Variants in MYOM1 observed in about 807,000 individuals in gnomAD.
The protein encoded by MYOM1 is myomesin 1.
A neutral mutation model predicts 205.3 loss-of-function variants in MYOM1; 164 were observed. The observed-to-expected ratio is 0.80, with a 90% confidence interval of 0.70 to 0.91. The LOEUF (loss-of-function observed/expected upper bound fraction) is 0.91. Among genes scored for constraint, MYOM1 ranks in the 40% least tolerant of loss-of-function variants. The probability of loss-of-function intolerance (pLI) is 0.00; values close to 1 mark genes in which losing one functional copy is unlikely to be tolerated. For synonymous variants in MYOM1, 772 were observed against 789.4 expected (o/e 0.98, Z 0.37); for missense variants, 2,011 against 2,127.3 (o/e 0.95, Z 1.08).
At chr18:3,230,145 G>A in the MYOM1 span, among the ~76,000 whole-genome samples, 1 of 152,110 alleles carries the variant, frequency 6.6e-6, no homozygotes, top group Non-Finnish European at 1.5e-5. Context: ...ATCTGTTAAT[G>A]TGATAATAAA....
At chr18:3,221,288 G>A (rs2081327298), upstream of MYOM1, among the ~76,000 whole-genome samples, 1 of 152,130 alleles carries the variant, frequency 6.6e-6, no homozygotes, top group African/African-American at 2.4e-5. Flanking sequence ...ACAAAGTGCT[G>A]GAATTACAGG....
In MYOM1 at chr18:3,179,599, C is replaced by T. The variant is rs1211847901; in HGVS notation, c.930-3465G>A. On this transcript the variant is annotated intron_variant, in intron 5 of 37. Coordinates refer to ENST00000356443, the MANE Select transcript of MYOM1 (RefSeq NM_003803.4). The surrounding 1 kb of genome is among the most constrained non-coding windows in gnomAD (Gnocchi z 4.4). ...CATAACCTTCTCCAAACACAGAAGA[C>T]CCTGCAAGTTGATGCAGTGCTATTT... Among the ~76,000 whole-genome samples, 1 of 152,154 alleles carries T rather than the reference C, an allele frequency of 6.6e-6. No individual in the cohort carries two copies. Among genetic ancestry groups the T allele is most frequent in the Non-Finnish European group, 1.5e-5 (1 of 68,040 alleles).
the MYOM1 span, among the ~76,000 whole-genome samples, chr18:3,239,525 C>G: frequency 6.6e-6 from 1 of 152,030 alleles, no homozygotes; most frequent in African/African-American, 2.4e-5. Context: ...GAGGCCAACG[C>G]AGGCAGAGAG....
chr18:3,124,431 G>A (rs1451998598), intron 19 of MYOM1, among the ~76,000 whole-genome samples: 1 of 150,082 alleles, frequency 6.7e-6, no homozygotes, highest in Admixed American at 6.6e-5. Flanking sequence ...GCCTCCTGAG[G>A]AGCTGGGACT....
chr18:3,162,587 CTCT>C (rs1352502609), intron 10 of MYOM1, among the ~76,000 whole-genome samples: 3 of 152,186 alleles, frequency 2.0e-5, no homozygotes, highest in South Asian at 2.1e-4. Flanking sequence ...TCTACTAGAT[CTCT>C]TCTTATGACT....
intron 22 of MYOM1, among the ~76,000 whole-genome samples, chr18:3,108,579 T>C (rs924783916): frequency 6.6e-6 from 1 of 151,792 alleles, no homozygotes; most frequent in Non-Finnish European, 1.5e-5. Flanking sequence ...AGTCTTGCTC[T>C]GTCACCCAGG....
chr18:3,079,688 C>T (rs2143662608), intron 33 of MYOM1, among the ~76,000 whole-genome samples: 1 of 152,090 alleles, frequency 6.6e-6, no homozygotes, highest in South Asian at 2.1e-4. Context: ...GCTAAAAGGC[C>T]AAACTACATA....
chr18:3,210,848 G>A (rs1006210000), intron 2 of MYOM1, among the ~76,000 whole-genome samples: 1 of 152,124 alleles, frequency 6.6e-6, no homozygotes, highest in African/African-American at 2.4e-5. Flanking sequence ...CTAGTGTAAT[G>A]AAGAAAAGTC....
chr18:3,208,476 T>A (rs931834081), intron 2 of MYOM1, among the ~76,000 whole-genome samples: 1 of 152,108 alleles, frequency 6.6e-6, no homozygotes, highest in Non-Finnish European at 1.5e-5. Context: ...TGAGCTGAGA[T>A]CGCACCACTG....
chr18:3,167,129 G>A (rs62076875), intron 9 of MYOM1, among the ~76,000 whole-genome samples: 20,352 of 152,164 alleles, frequency 0.13, 1,536 homozygotes, highest in Middle Eastern at 0.21. Flanking sequence ...AGTTTTCTCA[G>A]GAGGCTTTTT....
the MYOM1 span, among the ~76,000 whole-genome samples, chr18:3,233,050 A>T: frequency 2.0e-5 from 3 of 152,252 alleles, no homozygotes; most frequent in Admixed American, 1.3e-4. Flanking sequence ...TAATTACTGT[A>T]AGAACTAGTA....
chr18:3,156,868 C>CAAAGTGCTGGGATTACAGGCGTG, intron 10 of MYOM1, among the ~76,000 whole-genome samples: 1 of 152,144 alleles, frequency 6.6e-6, no homozygotes, highest in South Asian at 2.1e-4. Context: ...CTCGGCCTCC[C>CAAAGTGCTGGGATTACAGGCGTG]AAAGTGCTGG....
intron 1 of MYOM1, among the ~76,000 whole-genome samples, chr18:3,218,583 A>AT (rs534133948): frequency 1.2e-3 from 189 of 152,324 alleles, no homozygotes; most frequent in African/African-American, 4.4e-3. Flanking sequence ...ACCATGTATA[A>AT]TTAATAACTA....
In MYOM1 at chr18:3,209,059, G is replaced by A. The variant is rs961723159; in HGVS notation, c.290+5875C>T. Among the ~76,000 whole-genome samples the A allele has an allele frequency of 2.6e-5, 4 of 152,152 alleles. No individual in the cohort carries two copies. Among genetic ancestry groups the A allele is most frequent in the Non-Finnish European group, 4.4e-5 (3 of 68,026 alleles). ...CTCCATACAACTATGGTTATTTCAA[G>A]GTGCTTTTCCTATTAAATACCAGAA... On this transcript the variant is annotated intron_variant, in intron 2 of 37. Transcript: ENST00000356443. The surrounding 1 kb of genome is among the most constrained non-coding windows in gnomAD (Gnocchi z 4.0).
chr18:3,100,247 A>G, intron 24 of MYOM1, 44 bp from the exon 25 acceptor site: 1 of 1,613,568 alleles, frequency 6.2e-7, no homozygotes, highest in Non-Finnish European at 8.5e-7. Context: ...AACTACTAAA[A>G]TAAAAGTCAC....
chr18:3,214,977 T>G lies in MYOM1; in HGVS notation c.247A>C (p.Ser83Arg). ...TCGTAGGCTGAGGCTGCCTTCCGAC[T>G]GACTTCAGAGCTCAGGGCGTGCTGC... The part of the protein sequence containing the change: ...ASQHALSSEV[S>R]RKAASAYDYG... The change falls in exon 2 of 38, where the codon AGT (serine) becomes CGT (arginine). Residue 83 changes from serine to arginine, a missense_variant. Transcript: ENST00000356443. The G allele has an allele frequency of 6.2e-7, 1 of 1,609,330 alleles. No individual in the cohort carries two copies. The highest frequency in any genetic ancestry group is 1.7e-4 in the Middle Eastern group (1 of 5,782).
In MYOM1 at chr18:3,075,714, C is replaced by A. The variant is rs2298539; in HGVS notation, c.4685+11G>T. 0.49 allele frequency: 778,361 copies of A among 1,589,660 alleles called. 199,735 individuals are homozygous for A. Among genetic ancestry groups the A allele is most frequent in the African/African-American group, 0.88 (65,926 of 74,638 alleles). Reference sequence around the variant, plus strand: ...GCATGCAAGTGGCATTTGCTAGGACCAGGGACTTACTTCAACCTCTGGAAT... The same window carrying A: ...GCATGCAAGTGGCATTTGCTAGGACAAGGGACTTACTTCAACCTCTGGAAT... On this transcript the variant is annotated intron_variant, in intron 35 of 37. Coordinates refer to ENST00000356443, the MANE Select transcript of MYOM1 (RefSeq NM_003803.4).
chr18:3,225,502 G>C, the MYOM1 span, among the ~76,000 whole-genome samples: 11 of 152,136 alleles, frequency 7.2e-5, no homozygotes, highest in Non-Finnish European at 1.5e-4. Context: ...GCCAAAGGAG[G>C]GGGGTAGCAA....
At chr18:3,124,308 T>TC (rs2079745011) in intron 19 of MYOM1, among the ~76,000 whole-genome samples, 1 of 148,100 alleles carries the variant, frequency 6.8e-6, no homozygotes, top group African/African-American at 2.5e-5. Context: ...TTTTTCTTTT[T>TC]TTTTTTTTTT....
Sources: gnomAD v4.1 joint callset for allele counts (sites outside exome capture counted in the v4.1 genomes callset) on GRCh38, gnomAD v4.1.1 for gene constraint, Gnocchi (gnomAD v3.1) non-coding constraint, MANE v1.5 for transcripts, NCBI Gene and HGNC (gene_info 2026-07-23, HGNC 2026-07-21) for gene names.